RIMS2: variants seen among roughly 807,000 people sequenced by gnomAD.
RIMS2 encodes regulating synaptic membrane exocytosis 2.
In RIMS2, 59 loss-of-function variants were observed where a neutral mutation model predicts 174.4. The ratio of observed to expected loss-of-function variants is 0.34; its 90% CI spans 0.27 to 0.42. The LOEUF (loss-of-function observed/expected upper bound fraction) is 0.42. RIMS2 is among the 10% of genes least tolerant of loss of function. The pLI, the probability that RIMS2 is intolerant of heterozygous loss-of-function variation, is 1.00. For missense variants in RIMS2, 1,620 were observed against 1,666.3 expected (o/e 0.97, Z 0.48); for synonymous variants, 606 against 572.5 (o/e 1.06, Z -0.84).
intron 19 of RIMS2, among the ~76,000 whole-genome samples, chr8:104,161,116 G>T (rs1242430737): frequency 6.6e-6 from 1 of 151,968 alleles, no homozygotes; most frequent in Non-Finnish European, 1.5e-5. Flanking sequence ...CATATACTAA[G>T]TTTCTATTAA....
chr8:103,950,428 G>A (rs2085078146), intron 14 of RIMS2, among the ~76,000 whole-genome samples: 1 of 151,544 alleles, frequency 6.6e-6, no homozygotes. Flanking sequence ...TACATAAAAG[G>A]GATAATATAT....
chr8:104,037,544 C>T (rs1246055695), intron 19 of RIMS2, among the ~76,000 whole-genome samples: 1 of 152,118 alleles, frequency 6.6e-6, no homozygotes, highest in African/African-American at 2.4e-5. Flanking sequence ...ATCAAACACC[C>T]TTGGTGAAAA....
intron 2 of RIMS2, among the ~76,000 whole-genome samples, chr8:103,709,652 T>C (rs1158253970): frequency 6.6e-6 from 1 of 152,196 alleles, no homozygotes; most frequent in Non-Finnish European, 1.5e-5. Context: ...CTATTTTCTT[T>C]CTAATTCTTT....
At chr8:104,235,798 A>G (rs951920644) in intron 19 of RIMS2, among the ~76,000 whole-genome samples, 1 of 152,098 alleles carries the variant, frequency 6.6e-6, no homozygotes, top group African/African-American at 2.4e-5. Flanking sequence ...TTTTAAAAAA[A>G]TATATGTAAG....
At chr8:104,139,993 T>C (rs2098553007) in intron 19 of RIMS2, among the ~76,000 whole-genome samples, 1 of 152,196 alleles carries the variant, frequency 6.6e-6, no homozygotes, top group Non-Finnish European at 1.5e-5. Flanking sequence ...TTTTATCAAA[T>C]GCTTTTTCAG....
chr8:104,108,169 G>A (rs2098113086), intron 19 of RIMS2, among the ~76,000 whole-genome samples: 1 of 151,808 alleles, frequency 6.6e-6, no homozygotes, highest in African/African-American at 2.4e-5. Context: ...TTCTTTTGGG[G>A]CATATTCAAA....
At chr8:104,060,039 GTTGTGT>G (rs2096951387) in intron 19 of RIMS2, among the ~76,000 whole-genome samples, 1 of 151,636 alleles carries the variant, frequency 6.6e-6, no homozygotes, top group African/African-American at 2.4e-5. Flanking sequence ...CTCTTTTTTG[GTTGTGT>G]CTCTGCCCGG....
At chr8:103,865,295 T>C (rs530521214) in intron 3 of RIMS2, among the ~76,000 whole-genome samples, 1 of 146,268 alleles carries the variant, frequency 6.8e-6, no homozygotes, top group East Asian at 2.0e-4. Flanking sequence ...TTTTTTTTTT[T>C]TTTTTTTGAG....
intron 19 of RIMS2, among the ~76,000 whole-genome samples, chr8:104,215,683 G>T (rs182608305): frequency 6.6e-6 from 1 of 152,296 alleles, no homozygotes; most frequent in East Asian, 1.9e-4. Context: ...AGTGTTTGAG[G>T]ATATTCTTCT....
rs570637568 is a variant in RIMS2, at chr8:104,175,100, T to C, written c.3335-69816T>C. Among the ~76,000 whole-genome samples, 7 of 152,284 alleles carry C rather than the reference T, an allele frequency of 4.6e-5. No individual in the cohort carries two copies. The East Asian group carries it at 1.4e-3, about 29-fold the overall frequency. On this transcript the variant is annotated intron_variant, in intron 19 of 23. Transcript: ENST00000504942. The stretch of plus-strand genomic sequence containing the variant: ...CACCTCTATGATGAATACATACTCT[T>C]CTTTCTTGTACATACACCAAGTGCA...
rs573456086 is a variant in RIMS2, at chr8:103,505,957, TA to T, written c.176+4896del. On this transcript the variant is annotated intron_variant, in intron 1 of 23. Coordinates refer to ENST00000504942, the Ensembl canonical transcript of RIMS2. ...TTTAGGACCTTGTTTATGCCTTTTT[TA>T]CTGGTCACGATTTAAAAAAATTGAA... Among the ~76,000 whole-genome samples the T allele has an allele frequency of 2.3e-4, 35 of 152,270 alleles. No individual in the cohort carries two copies. The East Asian group carries it at 6.6e-3, about 29-fold the overall frequency.
chr8:104,155,867 C>A (rs1156625704), intron 19 of RIMS2, among the ~76,000 whole-genome samples: 1 of 152,142 alleles, frequency 6.6e-6, no homozygotes, highest in African/African-American at 2.4e-5. Flanking sequence ...GACACTATGA[C>A]ACTTTAAGAT....
At chr8:104,001,970 C>T (rs1019291199) in intron 17 of RIMS2, among the ~76,000 whole-genome samples, 12 of 152,044 alleles carry the variant, frequency 7.9e-5, no homozygotes, top group Non-Finnish European at 1.0e-4. Flanking sequence ...CAGTTCCTGC[C>T]ATCAAGCCTG....
At chr8:104,206,813 C>T (rs2099082410) in intron 19 of RIMS2, among the ~76,000 whole-genome samples, 1 of 152,096 alleles carries the variant, frequency 6.6e-6, no homozygotes, top group Admixed American at 6.5e-5. Context: ...GGAATATGTC[C>T]CAAGGAGTAG....
At chr8:103,765,546 A>C (rs2098161621) in intron 2 of RIMS2, among the ~76,000 whole-genome samples, 1 of 152,208 alleles carries the variant, frequency 6.6e-6, no homozygotes, top group South Asian at 2.1e-4. Context: ...AAAACATCAG[A>C]TGCATTAGTA....
intron 12 of RIMS2, among the ~76,000 whole-genome samples, chr8:103,936,096 T>C (rs184479482): frequency 3.3e-4 from 51 of 152,328 alleles, no homozygotes; most frequent in African/African-American, 1.2e-3. Context: ...GGTCATTAGC[T>C]AGAACTTTAT....
intron 17 of RIMS2, among the ~76,000 whole-genome samples, chr8:104,005,763 C>T (rs1160260020): frequency 6.6e-6 from 1 of 151,906 alleles, no homozygotes; most frequent in African/African-American, 2.4e-5. Context: ...TGACCTGTGT[C>T]CAGATTAATG....
At chr8:103,559,275 T>C in intron 1 of RIMS2, 2 of 187,854 alleles carry the variant, frequency 1.1e-5, no homozygotes, top group South Asian at 9.6e-5. Context: ...ATCCTGATTT[T>C]CCTAATTAGC....
chr8:104,026,971 G>T (rs1023949495), intron 19 of RIMS2, among the ~76,000 whole-genome samples: 1 of 152,154 alleles, frequency 6.6e-6, no homozygotes, highest in African/African-American at 2.4e-5. Context: ...TCCCAACTTA[G>T]ATAAATGACC....
Sources: gnomAD v4.1 joint callset for allele counts (sites outside exome capture counted in the v4.1 genomes callset) on GRCh38, gnomAD v4.1.1 for gene constraint, MANE v1.5 for transcripts, NCBI Gene and HGNC (gene_info 2026-07-23, HGNC 2026-07-21) for gene names.